The following SPAG9 variants were observed in gnomAD, a reference collection of about 807,000 sequenced individuals.
SPAG9 encodes C-Jun-amino-terminal kinase-interacting protein 4.
Under a neutral mutation model 166.5 loss-of-function variants are expected in SPAG9, and 35 were observed. The ratio of observed to expected loss-of-function variants is 0.21; its 90% CI spans 0.16 to 0.28. The LOEUF is 0.28. Among genes scored for constraint, SPAG9 ranks in the 10% least tolerant of loss-of-function variants. The pLI is 1.00. For missense variants in SPAG9, 1,235 were observed against 1,603.3 expected (o/e 0.77, Z 3.92); for synonymous variants, 534 against 565.5 (o/e 0.94, Z 0.79).
At chr17:50,999,770 T>G in intron 13 of SPAG9, 53 bp from the exon 14 acceptor site, 1 of 1,504,240 alleles carries the variant, frequency 6.6e-7, no homozygotes, top group African/African-American at 1.4e-5. Context: ...TATTCTACCT[T>G]TCTTTCTGAA....
At chr17:51,007,394 A>T in intron 9 of SPAG9, 68 bp from the exon 10 acceptor site, 1 of 814,914 alleles carries the variant, frequency 1.2e-6, no homozygotes, top group Non-Finnish European at 1.9e-6. Flanking sequence ...TTTAAAATAT[A>T]AGCTATAGTC....
At chr17:51,092,751 CAAAA>C (rs200338786) in intron 1 of SPAG9, among the ~76,000 whole-genome samples, 1 of 54,166 alleles carries the variant, frequency 1.8e-5, no homozygotes, top group African/African-American at 6.8e-5. Context: ...CTTGTCTCTA[CAAAA>C]AAAAAAAAAA....
intron 9 of SPAG9, among the ~76,000 whole-genome samples, chr17:51,012,210 A>G (rs998916928): frequency 6.6e-6 from 1 of 152,222 alleles, no homozygotes; most frequent in Non-Finnish European, 1.5e-5. Context: ...GAAACTTTTC[A>G]GGTATAATTT....
At chr17:51,079,789 A>G in intron 1 of SPAG9, 85 bp from the exon 2 acceptor site, 1 of 921,050 alleles carries the variant, frequency 1.1e-6, no homozygotes. Context: ...ATCAATAATC[A>G]CAATTAGGTA....
chr17:51,019,213 C>T (rs919866209), intron 8 of SPAG9, among the ~76,000 whole-genome samples: 2 of 152,144 alleles, frequency 1.3e-5, no homozygotes, highest in Admixed American at 1.3e-4. Context: ...CTGCCAGCAC[C>T]TTGATCTTGG....
rs1463422650 is a variant in SPAG9 at position 50,963,119 on chromosome 17, A to G, written c.*3153T>C. 6.6e-6 allele frequency: 1 copy of G among 152,224 alleles called. No individual in the cohort carries two copies. The allele number at this position is 152,224 out of a possible 1,614,324, so 9.4% of individuals were successfully genotyped here. A position where few individuals can be genotyped will look rare whatever the true frequency, so the allele number is the denominator to read the frequency against. ...TTTTGCAGATCAGCAATGGTTGAACACTGGCAATTTCATATGGTTCAACCT... is the reference window on the plus strand; with the variant it reads ...TTTTGCAGATCAGCAATGGTTGAACGCTGGCAATTTCATATGGTTCAACCT... On this transcript the variant is annotated 3_prime_UTR_variant, in exon 30 of 30. Coordinates refer to ENST00000262013, the MANE Select transcript of SPAG9 (RefSeq NM_001130528.3).
intron 9 of SPAG9, 26 bp downstream of exon 9, chr17:51,014,206 A>G (rs1426170912): frequency 6.4e-7 from 1 of 1,572,342 alleles, no homozygotes; most frequent in Non-Finnish European, 8.6e-7. Flanking sequence ...AAACAGTATG[A>G]TATTTCTTCA....
chr17:50,977,078 T>C (rs9332407), intron 27 of SPAG9, 30 bp downstream of exon 27: 582,503 of 1,308,896 alleles, frequency 0.45, 132,835 homozygotes, highest in Non-Finnish European at 0.47. Flanking sequence ...TCCTATTTGT[T>C]CCATGGCAGT....
At chr17:51,047,821 T>TA (rs2047072808) in intron 3 of SPAG9, among the ~76,000 whole-genome samples, 2 of 151,892 alleles carry the variant, frequency 1.3e-5, no homozygotes, top group Non-Finnish European at 2.9e-5. Flanking sequence ...GACCATTGGT[T>TA]AAAAATAATA....
intron 1 of SPAG9, among the ~76,000 whole-genome samples, chr17:51,109,387 C>T (rs1442693137): frequency 6.6e-6 from 1 of 151,884 alleles, no homozygotes; most frequent in African/African-American, 2.4e-5. Flanking sequence ...CAGGCACACA[C>T]CACCATGCCC....
intron 1 of SPAG9, among the ~76,000 whole-genome samples, chr17:51,087,428 T>G (rs921884125): frequency 3.9e-5 from 6 of 152,228 alleles, no homozygotes; most frequent in Non-Finnish European, 7.3e-5. Context: ...GAAAAAGGTT[T>G]GGATTCGTGG....
At position 51,007,252 on chromosome 17, in the gene SPAG9, A is replaced by C. The variant is rs750155856; in HGVS notation, c.1271+17T>G. On this transcript the variant is annotated intron_variant, in intron 10 of 29. Coordinates refer to ENST00000262013, the MANE Select transcript of SPAG9 (RefSeq NM_001130528.3). The stretch of plus-strand genomic sequence containing the variant: ...AGAAAATTCTTTATCTTCTGTTAAA[A>C]TTTCACATATACTTACTTGGTTTCC... 2 of 1,451,876 alleles carry C rather than the reference A, an allele frequency of 1.4e-6. No homozygotes were observed. Among genetic ancestry groups the C allele is most frequent in the Non-Finnish European group, 9.5e-7 (1 of 1,047,986 alleles). 89.9% of individuals were successfully genotyped at this position (1,451,876 alleles called of 1,614,324 possible). A position where few individuals can be genotyped will look rare whatever the true frequency, so the allele number is the denominator to read the frequency against.
chr17:51,035,371 A>T (rs2046547395), intron 5 of SPAG9, among the ~76,000 whole-genome samples: 2 of 152,200 alleles, frequency 1.3e-5, no homozygotes, highest in African/African-American at 2.4e-5. Context: ...CTTTTCTGTA[A>T]GTCTAAAATT....
intron 1 of SPAG9, among the ~76,000 whole-genome samples, chr17:51,119,431 G>A (rs2049405022): frequency 6.6e-6 from 1 of 152,192 alleles, no homozygotes; most frequent in African/African-American, 2.4e-5. Context: ...AACGCAGGCT[G>A]AAAGCTAAAC....
At chr17:51,089,118 C>T (rs2048378086) in intron 1 of SPAG9, among the ~76,000 whole-genome samples, 1 of 149,580 alleles carries the variant, frequency 6.7e-6, no homozygotes, top group African/African-American at 2.5e-5. Context: ...AAAACACACA[C>T]ACACAAAAAA....
At chr17:51,028,105 A>T (rs1279817649) in intron 6 of SPAG9, among the ~76,000 whole-genome samples, 12 of 151,974 alleles carry the variant, frequency 7.9e-5, no homozygotes, top group Admixed American at 7.9e-4. Context: ...ATAAAAGCTT[A>T]TAGAATAAGG....
chr17:51,021,017 C>T, intron 7 of SPAG9, 141 bp downstream of exon 7: 1 of 692,902 alleles, frequency 1.4e-6, no homozygotes, highest in South Asian at 1.9e-5. Context: ...GATGCAGAAC[C>T]ACAGATATAG....
At chr17:50,970,939 G>T in intron 28 of SPAG9, 83 bp from the exon 29 acceptor site, 2 of 1,196,924 alleles carry the variant, frequency 1.7e-6, no homozygotes. Context: ...TATTTTTAGA[G>T]TTAAACAAAA....
intron 9 of SPAG9, among the ~76,000 whole-genome samples, chr17:51,011,712 A>G (rs2045492707): frequency 6.6e-6 from 1 of 152,110 alleles, no homozygotes; most frequent in African/African-American, 2.4e-5. Context: ...ATCTTTGACC[A>G]AAAATATTCA....
Sources: gnomAD v4.1 joint callset for allele counts (sites outside exome capture counted in the v4.1 genomes callset) on GRCh38, gnomAD v4.1.1 for gene constraint, MANE v1.5 for transcripts, NCBI Gene and HGNC (gene_info 2026-07-23, HGNC 2026-07-21) for gene names.